Variants in FHIT observed in about 807,000 individuals in gnomAD.
FHIT encodes the protein bis(5'-adenosyl)-triphosphatase.
Under a neutral mutation model 17.9 loss-of-function variants are expected in FHIT, and 19 were observed. That is an observed-to-expected ratio of 1.06 (90% CI 0.74 to 1.56). FHIT has a LOEUF of 1.56. Among genes scored for constraint, FHIT ranks in the 40% most tolerant of loss-of-function variants. FHIT has a pLI of 0.00. For missense variants in FHIT, 248 were observed against 189.2 expected, an observed-to-expected ratio of 1.31 and a Z score of -1.82; for synonymous variants, 81 against 69.7, an observed-to-expected ratio of 1.16 and a Z score of -0.81.
At chr3:60,119,316 G>A (rs1705138426) in intron 5 of FHIT, among the ~76,000 whole-genome samples, 1 of 151,946 alleles carries the variant, frequency 6.6e-6, no homozygotes. Context: ...CAAGCAATCT[G>A]CCTGCCTTGG....
intron 4 of FHIT, among the ~76,000 whole-genome samples, chr3:60,574,798 G>C (rs1265903718): frequency 6.6e-6 from 1 of 151,814 alleles, no homozygotes; most frequent in African/African-American, 2.4e-5. Flanking sequence ...CGCTTGCCAG[G>C]GTAAGAAAAT....
In FHIT at chr3:60,661,632, G is replaced by A. The variant is rs148037577; in HGVS notation, c.-17-124653C>T. Among the ~76,000 whole-genome samples the A allele has an allele frequency of 1.8e-4, 28 of 152,266 alleles. 2 individuals carry two copies. Among genetic ancestry groups the A allele is most frequent in the East Asian group, 1.7e-3 (9 of 5,184 alleles). Reference sequence around the variant, plus strand: ...TAGTGCTTTAAGGAATCTCCACGCTGTTTTCCATAGTGGCTGCACTAATTT... The same window carrying A: ...TAGTGCTTTAAGGAATCTCCACGCTATTTTCCATAGTGGCTGCACTAATTT... On this transcript the variant is annotated intron_variant, in intron 4 of 9. Transcript: ENST00000492590.
intron 4 of FHIT, among the ~76,000 whole-genome samples, chr3:60,650,234 A>G (rs1241555653): frequency 6.6e-6 from 1 of 152,208 alleles, no homozygotes; most frequent in Non-Finnish European, 1.5e-5. Context: ...AACAAAACAT[A>G]CTACAGAACA....
chr3:60,905,996 T>C (rs1706394711), intron 3 of FHIT, among the ~76,000 whole-genome samples: 1 of 152,032 alleles, frequency 6.6e-6, no homozygotes, highest in African/African-American at 2.4e-5. Context: ...ATAAAAAATT[T>C]AAAAAGGATT....
At chr3:60,334,710 C>T (rs1407832846) in intron 5 of FHIT, among the ~76,000 whole-genome samples, 1 of 152,160 alleles carries the variant, frequency 6.6e-6, no homozygotes, top group African/African-American at 2.4e-5. Flanking sequence ...TTGCTTAAAC[C>T]CAGGAAGCAG....
chr3:60,116,390 C>T (rs1224080909), intron 5 of FHIT, among the ~76,000 whole-genome samples: 1 of 152,158 alleles, frequency 6.6e-6, no homozygotes, highest in African/African-American at 2.4e-5. Flanking sequence ...CGGGCATCAC[C>T]ATTTGAACTC....
At chr3:61,061,216 T>A (rs909720508) in intron 2 of FHIT, among the ~76,000 whole-genome samples, 13 of 151,980 alleles carry the variant, frequency 8.6e-5, no homozygotes, top group Non-Finnish European at 1.8e-4. Context: ...TATGAAACAT[T>A]TTCCCCCCTC....
intron 5 of FHIT, among the ~76,000 whole-genome samples, chr3:60,493,388 A>T (rs2034149415): frequency 6.6e-6 from 1 of 152,204 alleles, no homozygotes; most frequent in Admixed American, 6.5e-5. Flanking sequence ...GAATCTGCCT[A>T]AATTTTCTCA....
intron 5 of FHIT, among the ~76,000 whole-genome samples, chr3:60,236,477 A>G (rs796459941): frequency 1.1e-4 from 17 of 152,164 alleles, no homozygotes; most frequent in African/African-American, 3.9e-4. Context: ...GAATTTTTCT[A>G]TTCTCTTTTC....
chr3:60,457,812 G>A (rs2032203459), intron 5 of FHIT, among the ~76,000 whole-genome samples: 1 of 151,744 alleles, frequency 6.6e-6, no homozygotes, highest in Non-Finnish European at 1.5e-5. Flanking sequence ...CATTTATGCA[G>A]CCAAAAGACA....
intron 8 of FHIT, among the ~76,000 whole-genome samples, chr3:59,844,656 T>C (rs1239601676): frequency 6.6e-6 from 1 of 152,146 alleles, no homozygotes; most frequent in Non-Finnish European, 1.5e-5. Flanking sequence ...ATCCATACAC[T>C]CCAAGAATAA....
intron 5 of FHIT, among the ~76,000 whole-genome samples, chr3:60,480,480 T>G (rs1369150974): frequency 6.6e-6 from 1 of 152,200 alleles, no homozygotes; most frequent in Non-Finnish European, 1.5e-5. Context: ...AAATCTCATC[T>G]AAGACAAGGC....
chr3:60,524,195 G>A (rs2035484281), intron 5 of FHIT, among the ~76,000 whole-genome samples: 1 of 124,052 alleles, frequency 8.1e-6, no homozygotes, highest in African/African-American at 3.2e-5. Context: ...TAGTCAGCCT[G>A]AGACACACAC....
At chr3:59,949,423 T>C (rs1173471624) in intron 7 of FHIT, among the ~76,000 whole-genome samples, 1 of 152,222 alleles carries the variant, frequency 6.6e-6, no homozygotes, top group Non-Finnish European at 1.5e-5. Context: ...ATTCCACTAA[T>C]GTCCACCAAG....
chr3:60,293,623 G>T (rs1291943447), intron 5 of FHIT, among the ~76,000 whole-genome samples: 1 of 152,054 alleles, frequency 6.6e-6, no homozygotes, highest in Non-Finnish European at 1.5e-5. Context: ...CTGCTGGTTG[G>T]AATTGAAAAT....
At chr3:60,635,657 G>A (rs1273891027) in intron 4 of FHIT, among the ~76,000 whole-genome samples, 1 of 152,088 alleles carries the variant, frequency 6.6e-6, no homozygotes, top group Non-Finnish European at 1.5e-5. Flanking sequence ...ATTTTCTTTT[G>A]ACAGATTAAA....
intron 3 of FHIT, among the ~76,000 whole-genome samples, chr3:61,019,731 C>G (rs1192794716): frequency 6.6e-6 from 1 of 152,166 alleles, no homozygotes; most frequent in Non-Finnish European, 1.5e-5. Context: ...TCCCATGAAC[C>G]TCTTTCACAT....
intron 4 of FHIT, among the ~76,000 whole-genome samples, chr3:60,816,791 T>A (rs1363921931): frequency 1.3e-5 from 2 of 152,002 alleles, no homozygotes; most frequent in African/African-American, 4.8e-5. Flanking sequence ...TTGGAATAGT[T>A]CAGTAGAATT....
intron 5 of FHIT, among the ~76,000 whole-genome samples, chr3:60,280,400 T>C (rs995085934): frequency 5.3e-5 from 8 of 152,200 alleles, no homozygotes; most frequent in Non-Finnish European, 8.8e-5. Flanking sequence ...AGAAAGGACT[T>C]TGTAGCTGTA....
Sources: allele counts gnomAD v4.1 joint callset (sites outside exome capture counted in the v4.1 genomes callset), GRCh38; gene constraint gnomAD v4.1.1; transcripts MANE v1.5; gene names NCBI Gene and HGNC (gene_info 2026-07-23, HGNC 2026-07-21).